The following COL1A2 variants were observed in gnomAD, a reference collection of about 807,000 sequenced individuals.
COL1A2 encodes the protein collagen type I alpha 2 chain, also known as collagen alpha-2(I) chain.
Under a neutral mutation model 174.3 loss-of-function variants are expected in COL1A2, and 49 were observed. That is an observed-to-expected ratio of 0.28 (90% confidence interval 0.22 to 0.36). The LOEUF is 0.36. COL1A2 is among the 10% of genes least tolerant of loss of function. COL1A2 has a pLI of 1.00. For synonymous variants in COL1A2, 655 were observed against 606.6 expected, an observed-to-expected ratio of 1.08 and a Z score of -1.17; for missense variants, 1,438 against 1,822.7, an observed-to-expected ratio of 0.79 and a Z score of 3.84.
At chr7:94,422,827 C>T (rs1792194985) in intron 39 of COL1A2, 130 bp from the exon 40 acceptor site, 9 of 1,117,346 alleles carry the variant, frequency 8.1e-6, no homozygotes, top group Non-Finnish European at 1.1e-5. Flanking sequence ...ATAAATATTT[C>T]CCCCAAATGG....
At chr7:94,408,410 G>C in intron 15 of COL1A2, 30 bp downstream of exon 15, 2 of 1,613,082 alleles carry the variant, frequency 1.2e-6, no homozygotes, top group East Asian at 2.2e-5. Context: ...AGTTTGAAAG[G>C]AGTTGAGAAT....
At chr7:94,403,441 A>C (rs1858822) in intron 6 of COL1A2, among the ~76,000 whole-genome samples, 1 of 151,990 alleles carries the variant, frequency 6.6e-6, no homozygotes, top group Non-Finnish European at 1.5e-5. Flanking sequence ...CATGAAATAC[A>C]CTACATTTTA....
intron 49 of COL1A2, 68 bp from the exon 50 acceptor site, chr7:94,428,225 A>C (rs1792325121): frequency 1.6e-6 from 2 of 1,251,756 alleles, no homozygotes; most frequent in Admixed American, 3.4e-5. Flanking sequence ...ATCTTTCATT[A>C]GTTATTATTA....
chr7:94,411,984 T>A (rs1791938047), intron 23 of COL1A2, 84 bp from the exon 24 acceptor site: 2 of 1,129,592 alleles, frequency 1.8e-6, no homozygotes, highest in African/African-American at 1.5e-5. Context: ...GGGGAAAAGG[T>A]GCCTTTGTTA....
chr7:94,416,509 A>G lies in COL1A2; in HGVS notation c.1863+6A>G, dbSNP rs1361317496. 2 of 1,559,360 alleles carry G rather than the reference A, an allele frequency of 1.3e-6. No individual in the cohort carries two copies. Among genetic ancestry groups the G allele is most frequent in the Admixed American group, 1.9e-5 (1 of 52,358 alleles). ...CAGGGCCTGATGGAAACAAGGTAAA[A>G]TCTTATGTTTTCTATATTGCTGGTT... On this transcript the variant is annotated splice_donor_region_variant and intron_variant, in intron 31 of 51. Coordinates refer to ENST00000297268, the MANE Select transcript of COL1A2 (RefSeq NM_000089.4).
chr7:94,420,492 G>T (rs781481224), intron 36 of COL1A2, 48 bp downstream of exon 36: 4 of 1,613,934 alleles, frequency 2.5e-6, no homozygotes, highest in African/African-American at 2.7e-5. Flanking sequence ...CTAAGTTGGG[G>T]AGTAGAGTGG....
intron 28 of COL1A2, 42 bp from the exon 29 acceptor site, chr7:94,414,180 C>A (rs759959417): frequency 1.9e-6 from 3 of 1,603,998 alleles, no homozygotes; most frequent in Non-Finnish European, 2.6e-6. Context: ...ATCTCCTGAA[C>A]GTAGCCATGG....
chr7:94,420,940 C>A, intron 37 of COL1A2, 69 bp from the exon 38 acceptor site: 1 of 1,436,400 alleles, frequency 7.0e-7, no homozygotes, highest in Non-Finnish European at 9.8e-7. Context: ...GAATGATCCA[C>A]TTGAAGAAAA....
intron 15 of COL1A2, 76 bp downstream of exon 15, chr7:94,408,456 C>A: frequency 1.4e-6 from 2 of 1,477,316 alleles, no homozygotes; most frequent in Middle Eastern, 1.8e-4. Flanking sequence ...TAATCTCTTA[C>A]GAAATAGCAT....
chr7:94,397,764 T>G lies in COL1A2; in HGVS notation c.81+6T>G, dbSNP rs989237201. ...TTTCTACAGCTTTACAAGAGGTGAG[T>G]AAAACTTTTTTTAGAATTTTTAAAA... On this transcript the variant is annotated splice_donor_region_variant and intron_variant, in intron 2 of 51. Coordinates refer to ENST00000297268, the MANE Select transcript of COL1A2 (RefSeq NM_000089.4). 1 of 1,313,548 alleles carries G rather than the reference T, an allele frequency of 7.6e-7. No homozygotes were observed. The highest frequency in any genetic ancestry group is 1.5e-5 in the African/African-American group (1 of 68,250). 81.4% of individuals were successfully genotyped at this position (1,313,548 alleles called of 1,614,324 possible). A position where few individuals can be genotyped will look rare whatever the true frequency, so the allele number is the denominator to read the frequency against.
chr7:94,421,190 A>C (rs1792154729), intron 38 of COL1A2, 128 bp downstream of exon 38: 1 of 863,676 alleles, frequency 1.2e-6, no homozygotes, highest in Non-Finnish European at 1.9e-6. Context: ...AGTTCATTCT[A>C]TTCAGAGCAA....
chr7:94,427,484 C>T (rs1792303082), intron 48 of COL1A2, 143 bp from the exon 49 acceptor site: 4 of 1,147,638 alleles, frequency 3.5e-6, no homozygotes, highest in African/African-American at 1.5e-5. Context: ...CCTGGGGGCT[C>T]GTTATTTATT....
intron 51 of COL1A2, 96 bp downstream of exon 51, chr7:94,429,526 A>G: frequency 7.5e-7 from 1 of 1,327,752 alleles, no homozygotes; most frequent in South Asian, 1.2e-5. Context: ...AGGGGGGTTA[A>G]AAGAACAGAA....
Position 94,404,541 on chromosome 7 carries a change from C to T in COL1A2, c.280-15C>T. ...TTATCAGTGCTAACTGTTGATATAT[C>T]TGCTTTCTTTACAGGGCTTAATGGG... On this transcript the variant is annotated splice_polypyrimidine_tract_variant and intron_variant, in intron 6 of 51. Transcript: ENST00000297268. The T allele has an allele frequency of 1.2e-6, 2 of 1,612,644 alleles. No homozygotes were observed. The highest frequency in any genetic ancestry group is 2.2e-5 in the South Asian group (2 of 91,014).
chr7:94,412,628 T>A lies in COL1A2; in HGVS notation c.1449T>A (p.Ala483=). Residue 483 remains alanine, a synonymous_variant, in exon 25 of 52, where the codon GCT becomes GCA. Coordinates refer to ENST00000297268, the MANE Select transcript of COL1A2 (RefSeq NM_000089.4). The part of the protein sequence containing the change: ...IDGRPGPIGP[A]GARGEPGNIG... ...GCAGGCCTGGCCCAATTGGCCCAGCTGGAGCAAGAGGAGAGCCTGGCAACA... is the reference window on the plus strand; with the variant it reads ...GCAGGCCTGGCCCAATTGGCCCAGCAGGAGCAAGAGGAGAGCCTGGCAACA... 3.1e-6 allele frequency: 5 copies of A among 1,614,138 alleles called. No individual in the cohort carries two copies. Among genetic ancestry groups the A allele is most frequent in the Non-Finnish European group, 4.2e-6 (5 of 1,180,012 alleles).
rs776368864 is a variant in COL1A2 at position 94,420,592 on chromosome 7, A to G, written c.2239A>G (p.Lys747Glu). Reference protein sequence around the residue: ...AKGERGAKGPKGENGVVGPTG... With the variant: ...AKGERGAKGPEGENGVVGPTG... ...AGGAGAAAGAGGAGCCAAAGGGCCT[A>G]AGGGTGAAAACGGTGTTGTTGGTCC... The change falls in exon 37 of 52, where the codon AAG (lysine) becomes GAG (glutamate). Residue 747 changes from lysine to glutamate, a missense_variant. This residue lies in a region of COL1A2 where 867 missense variants were observed against 1,213.7 expected (regional missense o/e 0.71). Coordinates refer to ENST00000297268, the MANE Select transcript of COL1A2 (RefSeq NM_000089.4). 4 of 1,613,174 alleles carry G rather than the reference A, an allele frequency of 2.5e-6. No individual in the cohort carries two copies. The South Asian group carries it at 3.3e-5, about 13-fold the overall frequency.
In COL1A2 at chr7:94,398,406, CACT is replaced by C; in HGVS notation, c.96+14_96+16del. The C allele has an allele frequency of 1.1e-6, 1 of 940,152 alleles. No individual in the cohort carries two copies. The highest frequency in any genetic ancestry group is 1.6e-6 in the Non-Finnish European group (1 of 638,544). 58.2% of individuals were successfully genotyped at this position (940,152 alleles called of 1,614,324 possible). Reference sequence around the variant, plus strand: ...GGAAACTGTAAGAAAGGTAAGAGTACACTACTTCTCCATAAATATCTAAAATTA... The same window carrying C: ...GGAAACTGTAAGAAAGGTAAGAGTACACTTCTCCATAAATATCTAAAATTA... On this transcript the variant is annotated intron_variant, in intron 3 of 51. Transcript: ENST00000297268.
In COL1A2 at chr7:94,412,649, C is replaced by A. The variant is rs768334731; in HGVS notation, c.1470C>A (p.Gly490=). Residue 490 remains glycine, a synonymous_variant, in exon 25 of 52, where the codon GGC becomes GGA. Transcript: ENST00000297268. ...CAGCTGGAGCAAGAGGAGAGCCTGG[C>A]AACATTGGATTCCCTGGACCCAAAG... ...IGPAGARGEP[G]NIGFPGPKGP... 1 of 1,614,146 alleles carries A rather than the reference C, an allele frequency of 6.2e-7. No individual in the cohort carries two copies. Among genetic ancestry groups the A allele is most frequent in the Non-Finnish European group, 8.5e-7 (1 of 1,180,018 alleles).
rs1185283931 is a variant in COL1A2, at chr7:94,413,125, G to C, written c.1546G>C (p.Ala516Pro). ...CGGTGATAAAGGTCATGCTGGTCTT[G>C]CTGGTGCTCGGGTAGGTGCTAACTT... The part of the protein sequence containing the change: ...KNGDKGHAGL[A>P]GARGAPGPDG... The change falls in exon 26 of 52, where the codon GCT becomes CCT. Residue 516 changes from alanine (A) to proline (P), a missense_variant. By Grantham distance (27) the Ala-to-Pro change is conservative. This residue lies in a region of COL1A2 where 867 missense variants were observed against 1,213.7 expected (regional missense o/e 0.71). Transcript: ENST00000297268. 1.2e-6 allele frequency: 2 copies of C among 1,614,220 alleles called. No individual in the cohort carries two copies. The highest frequency in any genetic ancestry group is 8.5e-7 in the Non-Finnish European group (1 of 1,180,036).
Sources: allele counts gnomAD v4.1 joint callset (sites outside exome capture counted in the v4.1 genomes callset), GRCh38; gene constraint gnomAD v4.1.1; regional missense constraint gnomAD v4.1.1; transcripts MANE v1.5; gene names NCBI Gene and HGNC (gene_info 2026-07-23, HGNC 2026-07-21).